PITPNC1: variants seen among roughly 807,000 people sequenced by gnomAD.
The protein encoded by PITPNC1 is phosphatidylinositol transfer protein cytoplasmic 1, also known as cytoplasmic phosphatidylinositol transfer protein 1.
In PITPNC1, 18 loss-of-function variants were observed where a neutral mutation model predicts 44.7. The observed-to-expected ratio is 0.40, with a 90% CI of 0.28 to 0.60. PITPNC1 has a LOEUF of 0.60. PITPNC1 is among the 20% of genes least tolerant of loss of function. The pLI is 0.39. For synonymous variants in PITPNC1, 141 were observed against 149.6 expected, an observed-to-expected ratio of 0.94 and a Z score of 0.42; for missense variants, 290 against 418.4, an observed-to-expected ratio of 0.69 and a Z score of 2.68.
intron 1 of PITPNC1, among the ~76,000 whole-genome samples, chr17:67,421,747 C>G (rs750567114): frequency 1.3e-5 from 2 of 152,124 alleles, no homozygotes; most frequent in African/African-American, 4.8e-5. Context: ...GAAAAGCAAC[C>G]TTAATTTTCC....
intron 8 of PITPNC1, among the ~76,000 whole-genome samples, chr17:67,688,828 G>A (rs1015011475): frequency 6.6e-6 from 1 of 152,196 alleles, no homozygotes; most frequent in Non-Finnish European, 1.5e-5. Flanking sequence ...GCTAAAAGAT[G>A]CTAAGCTCAG....
At chr17:67,678,299 G>C (rs1172907368) in intron 8 of PITPNC1, among the ~76,000 whole-genome samples, 1 of 151,976 alleles carries the variant, frequency 6.6e-6, no homozygotes, top group South Asian at 2.1e-4. Flanking sequence ...AGATCTCCCC[G>C]AATCTGGAGA....
chr17:67,437,177 C>T (rs770102915), intron 1 of PITPNC1, among the ~76,000 whole-genome samples: 58 of 151,956 alleles, frequency 3.8e-4, no homozygotes, highest in Non-Finnish European at 6.3e-4. Flanking sequence ...GCCTCGGCCT[C>T]CTAAAGTGCT....
At chr17:67,400,844 G>T (rs1040055385) in intron 1 of PITPNC1, among the ~76,000 whole-genome samples, 12 of 151,362 alleles carry the variant, frequency 7.9e-5, no homozygotes, top group African/African-American at 2.7e-4. Flanking sequence ...AGATTTCCCT[G>T]TAGGGTCTAA....
chr17:67,575,423 A>G (rs1359691546), intron 4 of PITPNC1, among the ~76,000 whole-genome samples: 1 of 152,172 alleles, frequency 6.6e-6, no homozygotes, highest in Non-Finnish European at 1.5e-5. Flanking sequence ...CCATAAAGGC[A>G]ATTACTGGGA....
intron 5 of PITPNC1, among the ~76,000 whole-genome samples, chr17:67,610,914 T>A (rs2144292849): frequency 7.1e-6 from 1 of 140,726 alleles, no homozygotes; most frequent in African/African-American, 2.6e-5. Context: ...GGTGAGACTC[T>A]GTCTCAAAAA....
rs147650922 is a variant in PITPNC1, at chr17:67,609,081, C to T, written c.367-23062C>T. The stretch of plus-strand genomic sequence containing the variant: ...CTTCCTATGTTGCCCAGGCTGGTCT[C>T]GAACTCTTGGGCTCAAACTATCCTC... On this transcript the variant is annotated intron_variant, in intron 5 of 8. Coordinates refer to ENST00000581322, the MANE Select transcript of PITPNC1 (RefSeq NM_012417.4). Among the ~76,000 whole-genome samples the T allele has an allele frequency of 9.8e-3, 1,494 of 151,978 alleles. 34 individuals carry two copies. The highest frequency in any genetic ancestry group is 0.034 in the African/African-American group (1,397 of 41,474).
intron 1 of PITPNC1, among the ~76,000 whole-genome samples, chr17:67,484,947 A>C (rs2039756973): frequency 6.6e-6 from 1 of 152,060 alleles, no homozygotes. Context: ...CAAAAAAAAA[A>C]CTTCCAAAAC....
intron 2 of PITPNC1, among the ~76,000 whole-genome samples, chr17:67,548,593 A>G (rs2040716530): frequency 6.6e-6 from 1 of 152,170 alleles, no homozygotes; most frequent in South Asian, 2.1e-4. Flanking sequence ...TCTGTCTCAA[A>G]TAAATAAATA....
At chr17:67,519,418 C>A (rs1013692114) in intron 1 of PITPNC1, among the ~76,000 whole-genome samples, 1 of 152,096 alleles carries the variant, frequency 6.6e-6, no homozygotes, top group African/African-American at 2.4e-5. Context: ...CTCAAGTAAT[C>A]CTCTTGCCTT....
intron 8 of PITPNC1, among the ~76,000 whole-genome samples, chr17:67,679,576 G>C (rs1417106762): frequency 6.6e-6 from 1 of 152,244 alleles, no homozygotes; most frequent in Non-Finnish European, 1.5e-5. Context: ...GTTGAGGGTA[G>C]TGATCATTTG....
At chr17:67,527,285 G>T (rs1408442086) in intron 1 of PITPNC1, among the ~76,000 whole-genome samples, 3 of 152,146 alleles carry the variant, frequency 2.0e-5, no homozygotes, top group Non-Finnish European at 4.4e-5. Flanking sequence ...ATGAGTACAG[G>T]CCTGTGGGGG....
At position 67,378,133 on chromosome 17, in the gene PITPNC1, G is replaced by A. The variant is rs865815697; in HGVS notation, c.-22G>A. 1 of 1,526,816 alleles carries A rather than the reference G, an allele frequency of 6.5e-7. No individual in the cohort carries two copies. The allele number at this position is 1,526,816 out of a possible 1,614,324, so 94.6% of individuals were successfully genotyped here. A position where few individuals can be genotyped will look rare whatever the true frequency, so the allele number is the denominator to read the frequency against. On this transcript the variant is annotated 5_prime_UTR_variant, in exon 1 of 9. Transcript: ENST00000581322. ...GGGGCGCCCCCCGCTTCCCGCCCCG[G>A]GGGTCCGCGGCCGGCAGGACCATGC...
intron 6 of PITPNC1, among the ~76,000 whole-genome samples, chr17:67,649,836 A>G (rs1226933778): frequency 6.6e-6 from 1 of 152,124 alleles, no homozygotes; most frequent in Non-Finnish European, 1.5e-5. Flanking sequence ...ACTTAGATTT[A>G]CCAGTTTATT....
At chr17:67,599,935 A>G (rs2041519024) in intron 5 of PITPNC1, among the ~76,000 whole-genome samples, 1 of 152,184 alleles carries the variant, frequency 6.6e-6, no homozygotes, top group South Asian at 2.1e-4. Flanking sequence ...GTGGATCAAA[A>G]ACTCGGAAGG....
At chr17:67,599,034 A>ATATTTTTTT (rs1461493250) in intron 5 of PITPNC1, among the ~76,000 whole-genome samples, 1 of 35,676 alleles carries the variant, frequency 2.8e-5, no homozygotes, top group African/African-American at 1.1e-4. Flanking sequence ...ATATATATAT[A>ATATTTTTTT]TTTTTTTTTT....
At chr17:67,547,579 G>GA (rs777360923) in intron 2 of PITPNC1, among the ~76,000 whole-genome samples, 14 of 152,154 alleles carry the variant, frequency 9.2e-5, no homozygotes, top group Non-Finnish European at 2.1e-4. Flanking sequence ...CCCCTGTTGA[G>GA]AAAATGAAAT....
intron 2 of PITPNC1, among the ~76,000 whole-genome samples, chr17:67,539,548 C>CA (rs1244616571): frequency 1.3e-5 from 2 of 152,266 alleles, no homozygotes; most frequent in Non-Finnish European, 2.9e-5. Context: ...CTGCAAAAAA[C>CA]AAAAACAAGT....
At chr17:67,599,650 T>C (rs1335115767) in intron 5 of PITPNC1, among the ~76,000 whole-genome samples, 1 of 152,064 alleles carries the variant, frequency 6.6e-6, no homozygotes, top group African/African-American at 2.4e-5. Flanking sequence ...AAAGGTCCTG[T>C]GAGAATGAGC....
Sources: gnomAD v4.1 joint callset for allele counts (sites outside exome capture counted in the v4.1 genomes callset) on GRCh38, gnomAD v4.1.1 for gene constraint, MANE v1.5 for transcripts, NCBI Gene and HGNC (gene_info 2026-07-23, HGNC 2026-07-21) for gene names.